The following MLIP variants were observed in gnomAD, a reference collection of about 807,000 sequenced individuals.
The protein encoded by MLIP is muscular LMNA interacting protein.
A neutral mutation model predicts 84.8 loss-of-function variants in MLIP; 79 were observed. The ratio of observed to expected loss-of-function variants is 0.93; its 90% confidence interval spans 0.78 to 1.12. The LOEUF is 1.12. Ranked by LOEUF, MLIP falls within the 50% of genes most tolerant of loss-of-function variation. The pLI, the probability that MLIP is intolerant of heterozygous loss-of-function variation, is 0.00. For synonymous variants in MLIP, 504 were observed against 463.0 expected, an observed-to-expected ratio of 1.09 and a Z score of -1.14; for missense variants, 1,257 against 1,160.6, an observed-to-expected ratio of 1.08 and a Z score of -1.21.
chr6:54,213,934 G>C (rs1680424813), intron 11 of MLIP, among the ~76,000 whole-genome samples: 1 of 151,962 alleles, frequency 6.6e-6, no homozygotes, highest in Non-Finnish European at 1.5e-5. Context: ...TCCTAACAAA[G>C]ATATGGTACT....
intron 5 of MLIP, 88 bp downstream of exon 5, chr6:54,149,215 T>C: frequency 1.6e-6 from 2 of 1,218,706 alleles, no homozygotes; most frequent in South Asian, 1.3e-5. Flanking sequence ...AAGATTTCTG[T>C]TTTAAAGTTC....
chr6:54,123,230 C>T (rs1208445093), intron 2 of MLIP, among the ~76,000 whole-genome samples: 6 of 152,262 alleles, frequency 3.9e-5, no homozygotes, highest in East Asian at 3.9e-4. Context: ...CCACCGCGCC[C>T]GGCTTCATTT....
chr6:54,176,691 GA>G (rs961646163), intron 9 of MLIP, among the ~76,000 whole-genome samples: 3 of 149,136 alleles, frequency 2.0e-5, no homozygotes, highest in African/African-American at 4.9e-5. Context: ...CACAGAATTA[GA>G]AAAAAAAACG....
intron 1 of MLIP, among the ~76,000 whole-genome samples, chr6:54,084,170 C>G (rs929506729): frequency 6.6e-6 from 1 of 151,966 alleles, no homozygotes; most frequent in South Asian, 2.1e-4. Context: ...TTTTGCTCCC[C>G]CTATCACCCC....
intron 1 of MLIP, among the ~76,000 whole-genome samples, chr6:54,093,661 C>T (rs892098394): frequency 3.3e-5 from 5 of 152,164 alleles, no homozygotes; most frequent in South Asian, 4.1e-4. Context: ...AAAGCACTTT[C>T]GGATTGCTCT....
At chr6:54,174,152 G>A (rs993591797) in intron 9 of MLIP, among the ~76,000 whole-genome samples, 3 of 151,920 alleles carry the variant, frequency 2.0e-5, no homozygotes, top group African/African-American at 4.8e-5. Context: ...AGGACACTTA[G>A]GTTGCTTCTA....
chr6:54,074,324 A>G (rs1304917931), intron 1 of MLIP, among the ~76,000 whole-genome samples: 1 of 152,192 alleles, frequency 6.6e-6, no homozygotes, highest in Non-Finnish European at 1.5e-5. Context: ...GCTAATCACT[A>G]CAATCCTCCA....
rs1286423520 is a variant in MLIP, at chr6:54,230,710, C to T, written c.2719-4C>T. 1.2e-6 allele frequency: 2 copies of T among 1,613,554 alleles called. No homozygotes were observed. Among genetic ancestry groups the T allele is most frequent in the African/African-American group, 1.3e-5 (1 of 74,912 alleles). ...CCTCTTATGCCTTTCTTCTTCCCCACCAGGATGTAACAGTCCCTCCCAAGC... is the reference window on the plus strand; with the variant it reads ...CCTCTTATGCCTTTCTTCTTCCCCATCAGGATGTAACAGTCCCTCCCAAGC... On this transcript the variant is annotated splice_region_variant and splice_polypyrimidine_tract_variant and intron_variant, in intron 11 of 13. Transcript: ENST00000502396.
At chr6:54,238,695 T>C (rs896139160) in intron 12 of MLIP, among the ~76,000 whole-genome samples, 1 of 152,198 alleles carries the variant, frequency 6.6e-6, no homozygotes, top group African/African-American at 2.4e-5. Context: ...GCAAGAAGGC[T>C]CTATTTACAG....
chr6:54,098,332 T>TC (rs1379443593), intron 1 of MLIP, among the ~76,000 whole-genome samples: 19 of 143,240 alleles, frequency 1.3e-4, no homozygotes, highest in Admixed American at 1.1e-3. Context: ...TTTAATTTCT[T>TC]TTTTTTTTTT....
chr6:54,120,534 C>T (rs976862469), intron 1 of MLIP, among the ~76,000 whole-genome samples: 51 of 152,180 alleles, frequency 3.4e-4, no homozygotes, highest in Non-Finnish European at 6.8e-4. Flanking sequence ...CCACCGCTCC[C>T]GGCTGGTTTG....
intron 1 of MLIP, among the ~76,000 whole-genome samples, chr6:54,095,447 C>T (rs1260070805): frequency 6.6e-6 from 1 of 152,040 alleles, no homozygotes; most frequent in Non-Finnish European, 1.5e-5. Context: ...GTCTTTCGTG[C>T]TTTTTTTCCC....
intron 1 of MLIP, among the ~76,000 whole-genome samples, chr6:54,095,965 T>G (rs749649221): frequency 4.6e-5 from 7 of 152,110 alleles, no homozygotes; most frequent in Non-Finnish European, 8.8e-5. Flanking sequence ...GGAGTGTGAC[T>G]GAGGCTCTAG....
chr6:54,027,373 ATACACACACACACACAC>A (rs1763870364), intron 1 of MLIP, among the ~76,000 whole-genome samples: 2 of 77,072 alleles, frequency 2.6e-5, no homozygotes, highest in Non-Finnish European at 5.4e-5. Context: ...AATAAAAAAA[ATACACACACACACACAC>A]ACACACACAC....
At chr6:54,026,607 T>C (rs1469379626) in intron 1 of MLIP, among the ~76,000 whole-genome samples, 3 of 152,120 alleles carry the variant, frequency 2.0e-5, no homozygotes, top group Non-Finnish European at 4.4e-5. Flanking sequence ...AAAGTCCTAA[T>C]GTGCATAATG....
At chr6:54,074,948 C>T (rs951745139) in intron 1 of MLIP, among the ~76,000 whole-genome samples, 1 of 151,920 alleles carries the variant, frequency 6.6e-6, no homozygotes, top group African/African-American at 2.4e-5. Flanking sequence ...GCTGCATTTG[C>T]TTGAGAAAAA....
intron 8 of MLIP, among the ~76,000 whole-genome samples, chr6:54,161,850 T>C (rs1175473023): frequency 2.6e-5 from 4 of 151,954 alleles, no homozygotes; most frequent in Non-Finnish European, 4.4e-5. Context: ...GCTTTAAGCC[T>C]TTTAATCTAA....
chr6:54,143,708 A>G (rs1275136452), intron 4 of MLIP, among the ~76,000 whole-genome samples: 1 of 152,204 alleles, frequency 6.6e-6, no homozygotes, highest in African/African-American at 2.4e-5. Context: ...AGGCTTGTCT[A>G]GGACTTGAAC....
chr6:54,250,873 T>C (rs893529202), intron 12 of MLIP, among the ~76,000 whole-genome samples: 1 of 152,096 alleles, frequency 6.6e-6, no homozygotes, highest in Non-Finnish European at 1.5e-5. Context: ...TTAGGTTAGA[T>C]TCATCTATTA....
Sources: gnomAD v4.1 joint callset for allele counts (sites outside exome capture counted in the v4.1 genomes callset) on GRCh38, gnomAD v4.1.1 for gene constraint, MANE v1.5 for transcripts, NCBI Gene and HGNC (gene_info 2026-07-23, HGNC 2026-07-21) for gene names.